The following CACNA2D4 variants were observed in gnomAD, a reference collection of about 807,000 sequenced individuals.
CACNA2D4 encodes calcium voltage-gated channel auxiliary subunit alpha2delta 4.
CACNA2D4 carries 157 observed loss-of-function variants against 163.8 expected under a neutral mutation model. The ratio of observed to expected loss-of-function variants is 0.96; its 90% CI spans 0.84 to 1.09. The LOEUF (loss-of-function observed/expected upper bound fraction) is 1.09. Ranked by LOEUF, CACNA2D4 falls within the 50% of genes least tolerant of loss-of-function variation. The probability of loss-of-function intolerance (pLI) is 0.00; values close to 1 mark genes in which losing one functional copy is unlikely to be tolerated. For synonymous variants in CACNA2D4, 598 were observed against 586.9 expected, an observed-to-expected ratio of 1.02 and a Z score of -0.27; for missense variants, 1,410 against 1,479.9, an observed-to-expected ratio of 0.95 and a Z score of 0.78.
At chr12:1,877,559 G>C (rs990415877) in intron 16 of CACNA2D4, among the ~76,000 whole-genome samples, 2 of 152,232 alleles carry the variant, frequency 1.3e-5, no homozygotes, top group African/African-American at 4.8e-5. Flanking sequence ...AATGAATGGA[G>C]TGTGGCTTAG....
chr12:1,885,017 G>C lies in CACNA2D4; in HGVS notation c.1128C>G (p.Ala376=). 1 of 1,613,872 alleles carries C rather than the reference G, an allele frequency of 6.2e-7. No homozygotes were observed. The highest frequency in any genetic ancestry group is 8.5e-7 in the Non-Finnish European group (1 of 1,179,844). Residue 376 remains alanine (A), a synonymous_variant, in exon 10 of 38, where the codon GCC becomes GCG. Coordinates refer to ENST00000382722, the MANE Select transcript of CACNA2D4 (RefSeq NM_172364.5). Reference sequence around the variant, plus strand: ...TCAGGATCTGGAAGGCTTCTCTCAGGGCTTGGTCCACGACCCCCACACCTT... The same window carrying C: ...TCAGGATCTGGAAGGCTTCTCTCAGCGCTTGGTCCACGACCCCCACACCTT... ...MVKGVGVVDQ[A]LREAFQILKQ... is the part of the protein sequence containing the mutation.
Position 1,875,943 on chromosome 12 carries a change from G to A in CACNA2D4, c.1720-606C>T, listed in dbSNP as rs1413009709. On this transcript the variant is annotated intron_variant, in intron 16 of 37. Transcript: ENST00000382722. The surrounding 1 kb of genome is among the most constrained non-coding windows in gnomAD (Gnocchi z 4.0). ...CTGTGATCTGTGCACTAAGGCGTCA[G>A]GGGGCCCTGACTGCTGCCTGCGGTT... is the stretch of plus-strand genomic sequence containing the variant. Among the ~76,000 whole-genome samples, 1 of 152,204 alleles carries A rather than the reference G, an allele frequency of 6.6e-6. No homozygotes were observed. Among genetic ancestry groups the A allele is most frequent in the Non-Finnish European group, 1.5e-5 (1 of 68,026 alleles).
rs1187754074 is a variant in CACNA2D4 at position 1,918,319 on chromosome 12, G to A, written c.155C>T (p.Ala52Val). The A allele has an allele frequency of 1.9e-6, 3 of 1,609,932 alleles. No individual in the cohort carries two copies. Residue 52 changes from alanine to valine, a missense_variant, in exon 1 of 38, where the codon GCC becomes GTC. Coordinates refer to ENST00000382722, the MANE Select transcript of CACNA2D4 (RefSeq NM_172364.5). ...VAWAFVQKTSALLWLLLLGTS... is the reference protein window; with the variant it reads ...VAWAFVQKTSVLLWLLLLGTS... ...GCCTAGAAGCAGCAGCCACAGGAGG[G>A]CCGAGGTCTTCTGCACAAAGGCCCA... is the stretch of plus-strand genomic sequence containing the variant.
intron 16 of CACNA2D4, among the ~76,000 whole-genome samples, chr12:1,876,895 T>C (rs1329859788): frequency 1.3e-5 from 2 of 152,216 alleles, no homozygotes; most frequent in Non-Finnish European, 2.9e-5. Context: ...CTCCATTAAA[T>C]ACTCCTACAT....
At chr12:1,801,970 A>G (rs1331057695) in intron 29 of CACNA2D4, among the ~76,000 whole-genome samples, 3 of 150,482 alleles carry the variant, frequency 2.0e-5, no homozygotes, top group Non-Finnish European at 3.0e-5. Context: ...AATCACTTGC[A>G]GCAAGGTTAA....
At chr12:1,808,371 C>A (rs910710916) in intron 29 of CACNA2D4, among the ~76,000 whole-genome samples, 4 of 152,146 alleles carry the variant, frequency 2.6e-5, no homozygotes, top group African/African-American at 7.2e-5. Flanking sequence ...GAAAAAAAGT[C>A]AAAAGATTGA....
At chr12:1,840,938 A>C in intron 25 of CACNA2D4, 119 bp from the exon 26 acceptor site, 1 of 866,136 alleles carries the variant, frequency 1.2e-6, no homozygotes, top group East Asian at 2.5e-5. Context: ...CCTTGGAAGA[A>C]TTGAGGCGAG....
At chr12:1,897,019 A>G (rs1250907341) in intron 6 of CACNA2D4, among the ~76,000 whole-genome samples, 4 of 152,166 alleles carry the variant, frequency 2.6e-5, no homozygotes, top group African/African-American at 9.7e-5. Context: ...TGTTAAGTGA[A>G]ACAAGCCAGG....
chr12:1,915,748 G>C (rs1866958261), intron 1 of CACNA2D4, among the ~76,000 whole-genome samples: 1 of 152,226 alleles, frequency 6.6e-6, no homozygotes. Flanking sequence ...CACCATCTTG[G>C]CCAGGCTGGT....
intron 6 of CACNA2D4, among the ~76,000 whole-genome samples, chr12:1,887,771 A>G (rs1866184097): frequency 6.6e-6 from 1 of 152,174 alleles, no homozygotes; most frequent in Non-Finnish European, 1.5e-5. Context: ...AGACTTTATG[A>G]TTGGGAATAG....
Position 1,843,283 on chromosome 12 carries a change from G to A in CACNA2D4, c.2470+1119C>T, listed in dbSNP as rs536343525. 1.4e-4 allele frequency among the ~76,000 whole-genome samples: 22 copies of A among 152,178 alleles called. No homozygotes were observed. The highest frequency in any genetic ancestry group is 2.4e-4 in the Non-Finnish European group (16 of 68,002). On this transcript the variant is annotated intron_variant, in intron 25 of 37. Transcript: ENST00000382722. The surrounding 1 kb of genome is among the most constrained non-coding windows in gnomAD (Gnocchi z 4.6). Reference sequence around the variant, plus strand: ...GTCCTGGTCCCAGGAGGATCCCCGGGATCCTGGGCCTCCCCAGCCATCAGC... The same window carrying A: ...GTCCTGGTCCCAGGAGGATCCCCGGAATCCTGGGCCTCCCCAGCCATCAGC...
At chr12:1,797,710 A>C in intron 34 of CACNA2D4, 175 bp from the exon 35 acceptor site, 2 of 640,246 alleles carry the variant, frequency 3.1e-6, no homozygotes, top group Non-Finnish European at 2.8e-6. Context: ...GAGGGAAGAC[A>C]CCCGGAGTCT....
chr12:1,793,821 G>A, intron 37 of CACNA2D4, 62 bp from the exon 38 acceptor site: 1 of 1,399,722 alleles, frequency 7.1e-7, no homozygotes, highest in Non-Finnish European at 1.0e-6. Context: ...AAAAGGGAGG[G>A]GCTTCCACCA....
At chr12:1,808,945 C>G (rs1193316315) in intron 29 of CACNA2D4, among the ~76,000 whole-genome samples, 1 of 152,182 alleles carries the variant, frequency 6.6e-6, no homozygotes, top group Non-Finnish European at 1.5e-5. Context: ...GGCAGGCGCC[C>G]AGGTGACCGT....
chr12:1,803,309 C>A (rs1008475711), intron 29 of CACNA2D4, among the ~76,000 whole-genome samples: 4 of 152,222 alleles, frequency 2.6e-5, no homozygotes, highest in Admixed American at 2.0e-4. Flanking sequence ...CAGAGAAGTT[C>A]TCTCTCAAAT....
chr12:1,824,390 A>T (rs1469680545), intron 26 of CACNA2D4, among the ~76,000 whole-genome samples: 2 of 152,326 alleles, frequency 1.3e-5, no homozygotes, highest in African/African-American at 4.8e-5. Flanking sequence ...GCAATGGTCT[A>T]CACTCAAAGC....
At position 1,918,512 on chromosome 12, in the gene CACNA2D4, C is replaced by T. The variant is rs1867055572; in HGVS notation, c.-39G>A. ...CTTCCTCCCAGACCCCAGGACGCCC[C>T]AGGCCTTTGTCTTCCGTGCCTTGGC... is the stretch of plus-strand genomic sequence containing the variant. On this transcript the variant is annotated 5_prime_UTR_variant, in exon 1 of 38. Coordinates refer to ENST00000382722, the MANE Select transcript of CACNA2D4 (RefSeq NM_172364.5). 1.3e-6 allele frequency: 2 copies of T among 1,512,916 alleles called. No individual in the cohort carries two copies. Among genetic ancestry groups the T allele is most frequent in the Non-Finnish European group, 1.8e-6 (2 of 1,117,710 alleles). The allele number at this position is 1,512,916 out of a possible 1,614,324, so 93.7% of individuals were successfully genotyped here.
rs1865928492 is a variant in CACNA2D4, at chr12:1,878,563, C to G, written c.1645-174G>C. On this transcript the variant is annotated intron_variant, in intron 15 of 37. Coordinates refer to ENST00000382722, the MANE Select transcript of CACNA2D4 (RefSeq NM_172364.5). The surrounding 1 kb of genome is among the most constrained non-coding windows in gnomAD (Gnocchi z 4.6). ...ATGCTTCCATCATTGATTGAGGAGTCCTTTCCAAACCGGACTGTTTATAGC... is the reference window on the plus strand; with the variant it reads ...ATGCTTCCATCATTGATTGAGGAGTGCTTTCCAAACCGGACTGTTTATAGC... 1 of 1,197,626 alleles carries G rather than the reference C, an allele frequency of 8.3e-7. No individual in the cohort carries two copies. Among genetic ancestry groups the G allele is most frequent in the African/African-American group, 1.5e-5 (1 of 66,114 alleles). The allele number at this position is 1,197,626 out of a possible 1,614,324, so 74.2% of individuals were successfully genotyped here.
At chr12:1,914,665 C>T (rs147989267) in intron 2 of CACNA2D4, among the ~76,000 whole-genome samples, 189 bp downstream of exon 2, 93 of 152,318 alleles carry the variant, frequency 6.1e-4, no homozygotes, top group Middle Eastern at 6.8e-3. Flanking sequence ...GACCACGCCC[C>T]CGAACCACCC....
Sources: gnomAD v4.1 joint callset for allele counts (sites outside exome capture counted in the v4.1 genomes callset) on GRCh38, gnomAD v4.1.1 for gene constraint, Gnocchi (gnomAD v3.1) non-coding constraint, MANE v1.5 for transcripts, NCBI Gene and HGNC (gene_info 2026-07-23, HGNC 2026-07-21) for gene names.